The following CSMD1 variants were observed in gnomAD, a reference collection of about 807,000 sequenced individuals.
CSMD1 encodes the protein CUB and Sushi multiple domains 1.
In CSMD1, 213 loss-of-function variants were observed where a neutral mutation model predicts 417.5. The observed-to-expected ratio is 0.51, with a 90% CI of 0.46 to 0.57. CSMD1 has a LOEUF of 0.57. CSMD1 is among the 20% of genes least tolerant of loss of function. The probability of loss-of-function intolerance (pLI) is 0.00; values close to 1 mark genes in which losing one functional copy is unlikely to be tolerated. For synonymous variants in CSMD1, 2,862 were observed against 1,736.8 expected (o/e 1.65, Z -16.11); for missense variants, 6,923 against 4,529.7 (o/e 1.53, Z -15.17).
At chr8:3,740,046 C>A (rs1301322717) in intron 6 of CSMD1, among the ~76,000 whole-genome samples, 2 of 152,264 alleles carry the variant, frequency 1.3e-5, no homozygotes, top group Non-Finnish European at 2.9e-5. Flanking sequence ...TAGCCACTTA[C>A]AATATGCTGT....
chr8:4,173,371 G>A (rs538967174), intron 3 of CSMD1, among the ~76,000 whole-genome samples: 39 of 152,102 alleles, frequency 2.6e-4, no homozygotes, highest in African/African-American at 9.4e-4. Flanking sequence ...CTGAACAGAA[G>A]ATGAGACAGA....
intron 41 of CSMD1, among the ~76,000 whole-genome samples, chr8:3,131,616 T>G (rs1426984636): frequency 6.6e-6 from 1 of 151,944 alleles, no homozygotes; most frequent in Non-Finnish European, 1.5e-5. Flanking sequence ...GGATTAAAGT[T>G]GCCTGCCACC....
chr8:4,163,791 G>C (rs901079238), intron 3 of CSMD1, among the ~76,000 whole-genome samples: 1 of 152,106 alleles, frequency 6.6e-6, no homozygotes, highest in Non-Finnish European at 1.5e-5. Context: ...TTATTCAACA[G>C]TGTCATTACA....
intron 3 of CSMD1, among the ~76,000 whole-genome samples, chr8:4,134,144 G>C (rs943439749): frequency 6.6e-6 from 1 of 152,086 alleles, no homozygotes. Context: ...ATGATTTAAT[G>C]ACATTGAAAC....
chr8:4,057,951 T>A (rs1002485361), intron 3 of CSMD1, among the ~76,000 whole-genome samples: 2 of 150,890 alleles, frequency 1.3e-5, no homozygotes, highest in Admixed American at 6.6e-5. Flanking sequence ...GTAGCATAGT[T>A]TGAAGTCAGG....
chr8:3,642,022 C>T (rs938733492), intron 7 of CSMD1, among the ~76,000 whole-genome samples: 3 of 152,240 alleles, frequency 2.0e-5, no homozygotes, highest in Non-Finnish European at 2.9e-5. Context: ...TTCCCCCTCA[C>T]CACATCTGCA....
At chr8:3,218,483 C>A (rs1451530911) in intron 29 of CSMD1, among the ~76,000 whole-genome samples, 2 of 149,718 alleles carry the variant, frequency 1.3e-5, no homozygotes, top group Non-Finnish European at 3.0e-5. Flanking sequence ...ATCGCTTGAA[C>A]CCTGGAGGCA....
At chr8:4,920,146 TATA>T (rs1806339033) in intron 1 of CSMD1, among the ~76,000 whole-genome samples, 1 of 152,162 alleles carries the variant, frequency 6.6e-6, no homozygotes, top group Admixed American at 6.5e-5. Context: ...ACCTTGTATA[TATA>T]ATATTTGTAA....
At chr8:4,126,006 C>T (rs763536744) in intron 3 of CSMD1, among the ~76,000 whole-genome samples, 31 of 151,964 alleles carry the variant, frequency 2.0e-4, no homozygotes, top group Non-Finnish European at 3.1e-4. Context: ...ATGTTGCAGA[C>T]CCTGCACTCC....
intron 3 of CSMD1, among the ~76,000 whole-genome samples, chr8:4,134,872 A>G (rs1803322831): frequency 6.6e-6 from 1 of 152,214 alleles, no homozygotes; most frequent in Non-Finnish European, 1.5e-5. Flanking sequence ...CTCCTAGAAT[A>G]AAGTTACACA....
intron 1 of CSMD1, among the ~76,000 whole-genome samples, chr8:4,878,827 G>A (rs746563760): frequency 1.3e-5 from 2 of 151,806 alleles, no homozygotes; most frequent in Non-Finnish European, 2.9e-5. Flanking sequence ...GTACAGAGGA[G>A]AAATTTTTAA....
chr8:3,751,523 C>T (rs947944960), intron 6 of CSMD1, among the ~76,000 whole-genome samples: 9 of 148,952 alleles, frequency 6.0e-5, no homozygotes, highest in African/African-American at 2.0e-4. Context: ...ATTTATGCTT[C>T]TATAATATAT....
intron 12 of CSMD1, among the ~76,000 whole-genome samples, chr8:3,426,242 C>A (rs112612129): frequency 1.3e-5 from 2 of 152,166 alleles, no homozygotes; most frequent in Non-Finnish European, 2.9e-5. Flanking sequence ...ACACACTACT[C>A]CTAAACGTTC....
chr8:3,610,168 GCTGTAGTC>G (rs1801820015), intron 8 of CSMD1, among the ~76,000 whole-genome samples: 1 of 152,016 alleles, frequency 6.6e-6, no homozygotes, highest in Admixed American at 6.6e-5. Flanking sequence ...TCCTTACTTG[GCTGTAGTC>G]CAGCAGCTTC....
intron 1 of CSMD1, among the ~76,000 whole-genome samples, chr8:4,923,039 G>C (rs1156414101): frequency 6.6e-6 from 1 of 152,060 alleles, no homozygotes; most frequent in Non-Finnish European, 1.5e-5. Flanking sequence ...TACTACTCAG[G>C]CATAACTCCA....
At chr8:4,874,131 T>G (rs1034835559) in intron 1 of CSMD1, among the ~76,000 whole-genome samples, 1 of 152,106 alleles carries the variant, frequency 6.6e-6, no homozygotes, top group Non-Finnish European at 1.5e-5. Flanking sequence ...CAGCTACTGA[T>G]AGATAACTTT....
chr8:4,813,233 AG>A lies in CSMD1; in HGVS notation c.86-175676del, dbSNP rs754017652. ...ATATATTCAAGGAGCAAATGTGCTT[AG>A]AAAAATCAAACATGAAATGCTTGTA... is the stretch of plus-strand genomic sequence containing the variant. On this transcript the variant is annotated intron_variant, in intron 1 of 69. Transcript: ENST00000635120. Among the ~76,000 whole-genome samples the A allele has an allele frequency of 1.3e-4, 20 of 152,338 alleles. 1 individual carries two copies. The highest frequency in any genetic ancestry group is 3.4e-3 in the Middle Eastern group (1 of 294).
chr8:3,261,678 C>A (rs1018404550), intron 26 of CSMD1, among the ~76,000 whole-genome samples: 3 of 152,004 alleles, frequency 2.0e-5, no homozygotes, highest in African/African-American at 7.3e-5. Flanking sequence ...AAGGAATATG[C>A]CCTGGATTCA....
chr8:4,039,460 C>T (rs551786909), intron 3 of CSMD1, among the ~76,000 whole-genome samples: 1 of 152,288 alleles, frequency 6.6e-6, no homozygotes, highest in South Asian at 2.1e-4. Flanking sequence ...TGAAACCTTA[C>T]ATTTCTTCTC....
Sources: gnomAD v4.1 joint callset for allele counts (sites outside exome capture counted in the v4.1 genomes callset) on GRCh38, gnomAD v4.1.1 for gene constraint, MANE v1.5 for transcripts, NCBI Gene and HGNC (gene_info 2026-07-23, HGNC 2026-07-21) for gene names.